The following GRIK3 variants were observed in gnomAD, a reference collection of about 807,000 sequenced individuals.
GRIK3 encodes the protein glutamate ionotropic receptor kainate type subunit 3.
GRIK3 carries 29 observed loss-of-function variants against 102.5 expected under a neutral mutation model. The ratio of observed to expected loss-of-function variants is 0.28; its 90% CI spans 0.21 to 0.39. The LOEUF is 0.39. Among genes scored for constraint, GRIK3 ranks in the 10% least tolerant of loss-of-function variants. The pLI is 1.00. For synonymous variants in GRIK3, 511 were observed against 504.9 expected (o/e 1.01, Z -0.16); for missense variants, 908 against 1,252.4 (o/e 0.73, Z 4.15).
Position 36,801,842 on chromosome 1 carries a change from C to G in GRIK3, c.*9G>C, listed in dbSNP as rs764983669. 5 of 1,589,622 alleles carry G rather than the reference C, an allele frequency of 3.1e-6. No individual in the cohort carries two copies. The highest frequency in any genetic ancestry group is 1.7e-4 in the Middle Eastern group (1 of 5,934). ...GCCCCCAGGCCTGAGGTCCCCACCCCAGCTGTGCCTAGGGGAACACAGGGG... is the reference window on the plus strand; with the variant it reads ...GCCCCCAGGCCTGAGGTCCCCACCCGAGCTGTGCCTAGGGGAACACAGGGG... On this transcript the variant is annotated 3_prime_UTR_variant, in exon 16 of 16. Coordinates refer to ENST00000373091, the MANE Select transcript of GRIK3 (RefSeq NM_000831.4).
In GRIK3 at chr1:37,028,464, C is replaced by T. The variant is rs543852438; in HGVS notation, c.115+5530G>A. Among the ~76,000 whole-genome samples, 11 of 152,250 alleles carry T rather than the reference C, an allele frequency of 7.2e-5. No individual in the cohort carries two copies. In the South Asian group the frequency reaches 2.3e-3, roughly 32 times the overall value. ...GTATTGGTAGGAAGGCTGGGAAAGA[C>T]CATCCACACCTGGGCCCTGGAGGAG... On this transcript the variant is annotated intron_variant, in intron 1 of 15. Coordinates refer to ENST00000373091, the MANE Select transcript of GRIK3 (RefSeq NM_000831.4).
chr1:36,975,308 T>TTTTTTTTTTG (rs1642184477), intron 1 of GRIK3, among the ~76,000 whole-genome samples: 1 of 149,230 alleles, frequency 6.7e-6, no homozygotes, highest in Admixed American at 6.6e-5. Context: ...TTTTTTTTTT[T>TTTTTTTTTTG]GAGAGGGAGT....
intron 1 of GRIK3, among the ~76,000 whole-genome samples, chr1:36,998,534 C>A (rs1475405397): frequency 6.6e-6 from 1 of 152,212 alleles, no homozygotes; most frequent in Non-Finnish European, 1.5e-5. Flanking sequence ...GGGTTATTGA[C>A]ACGCATATGA....
intron 1 of GRIK3, among the ~76,000 whole-genome samples, chr1:36,970,331 C>T (rs1403078875): frequency 6.6e-6 from 1 of 152,198 alleles, no homozygotes; most frequent in African/African-American, 2.4e-5. Context: ...TATCAGGCCT[C>T]ATTGCCCTCA....
At chr1:36,919,718 C>T (rs1641445565) in intron 1 of GRIK3, among the ~76,000 whole-genome samples, 1 of 152,232 alleles carries the variant, frequency 6.6e-6, no homozygotes, top group Admixed American at 6.5e-5. Flanking sequence ...TCAGTGGACA[C>T]ATGGTGATGG....
chr1:36,808,292 T>A (rs376098693), intron 13 of GRIK3, among the ~76,000 whole-genome samples: 1 of 152,258 alleles, frequency 6.6e-6, no homozygotes, highest in Non-Finnish European at 1.5e-5. Context: ...AGCTTCTAGA[T>A]GGCTCCTACA....
chr1:36,865,417 C>T lies in GRIK3; in HGVS notation c.786+4331G>A, dbSNP rs1490673691. ...GAGATAAATGCCAGATGCCACTGTC[C>T]TCCCAAATAAGCCACAACTGACCAA... On this transcript the variant is annotated intron_variant, in intron 5 of 15. Transcript: ENST00000373091. Among the ~76,000 whole-genome samples the T allele has an allele frequency of 3.3e-5, 5 of 152,314 alleles. 1 individual carries two copies. The highest frequency in any genetic ancestry group is 2.6e-4 in the Admixed American group (4 of 15,302).
intron 1 of GRIK3, among the ~76,000 whole-genome samples, chr1:37,019,607 C>T (rs1391318470): frequency 6.6e-6 from 1 of 152,142 alleles, no homozygotes; most frequent in Non-Finnish European, 1.5e-5. Flanking sequence ...TCATTGCCCC[C>T]GCATCCTGGA....
Position 37,034,208 on chromosome 1 carries a change from G to A in GRIK3, c.-100C>T, listed in dbSNP as rs1333405639. 1 of 254,246 alleles carries A rather than the reference G, an allele frequency of 3.9e-6. No individual in the cohort carries two copies. Among genetic ancestry groups the A allele is most frequent in the Admixed American group, 5.9e-5 (1 of 16,994 alleles). 15.7% of individuals were successfully genotyped at this position (254,246 alleles called of 1,614,324 possible). On this transcript the variant is annotated 5_prime_UTR_variant, in exon 1 of 16. An upstream open reading frame in the 5' UTR gains an earlier in-frame stop. Coordinates refer to ENST00000373091, the MANE Select transcript of GRIK3 (RefSeq NM_000831.4). Reference sequence around the variant, plus strand: ...CGCAGCAGCCCCGAAGGCGCCGCCTGGCCCAGCCGCCCGGCTCCCGAGCGC... The same window carrying A: ...CGCAGCAGCCCCGAAGGCGCCGCCTAGCCCAGCCGCCCGGCTCCCGAGCGC...
intron 13 of GRIK3, among the ~76,000 whole-genome samples, chr1:36,815,840 A>C (rs1216407188): frequency 1.3e-5 from 2 of 151,692 alleles, no homozygotes; most frequent in African/African-American, 4.8e-5. Flanking sequence ...GCTCACTGCA[A>C]CCTCTGCCTC....
At chr1:36,947,330 C>T (rs1477559502) in intron 1 of GRIK3, among the ~76,000 whole-genome samples, 1 of 152,120 alleles carries the variant, frequency 6.6e-6, no homozygotes, top group Non-Finnish European at 1.5e-5. Flanking sequence ...TGCACCCAGG[C>T]CTGGCATCTC....
At chr1:36,999,006 G>A (rs1050547619) in intron 1 of GRIK3, among the ~76,000 whole-genome samples, 1 of 61,142 alleles carries the variant, frequency 1.6e-5, no homozygotes, top group Non-Finnish European at 3.6e-5. Context: ...GTGTGTGTGT[G>A]TATGTGTGTG....
In GRIK3 at chr1:36,801,999, G is replaced by A. The variant is rs767402521; in HGVS notation, c.2612C>T (p.Thr871Ile). The A allele has an allele frequency of 1.9e-6, 3 of 1,613,944 alleles. No homozygotes were observed. In the South Asian group the frequency reaches 3.3e-5, roughly 18 times the overall value. ...TVADEIRFSL[T>I]CQRRVKHKPQ... ...CTTGTGCTTGACTCGACGCTGGCAG[G>A]TAAGGGAGAAACGGATCTCATCGGC... Residue 871 changes from threonine to isoleucine, a missense_variant, in exon 16 of 16, where the codon ACC (threonine) becomes ATC (isoleucine). This residue lies in a region of GRIK3 where 297 missense variants were observed against 362.7 expected (regional missense o/e 0.82). Coordinates refer to ENST00000373091, the MANE Select transcript of GRIK3 (RefSeq NM_000831.4).
At chr1:36,822,962 G>A (rs1303561463) in intron 11 of GRIK3, among the ~76,000 whole-genome samples, 1 of 152,168 alleles carries the variant, frequency 6.6e-6, no homozygotes, top group African/African-American at 2.4e-5. Flanking sequence ...GGGCCAAACA[G>A]GTCAGGCCAG....
At chr1:36,938,488 G>T (rs901276933) in intron 1 of GRIK3, among the ~76,000 whole-genome samples, 1 of 152,194 alleles carries the variant, frequency 6.6e-6, no homozygotes, top group African/African-American at 2.4e-5. Flanking sequence ...CCGTGATGTT[G>T]CATCTCTGTT....
intron 1 of GRIK3, among the ~76,000 whole-genome samples, chr1:36,920,467 T>C (rs1641455005): frequency 6.6e-6 from 1 of 152,076 alleles, no homozygotes; most frequent in African/African-American, 2.4e-5. Context: ...GAATTTACCA[T>C]CCCGGGACCC....
chr1:36,978,944 T>C (rs1396760133), intron 1 of GRIK3, among the ~76,000 whole-genome samples: 4 of 152,202 alleles, frequency 2.6e-5, no homozygotes, highest in South Asian at 4.1e-4. Context: ...CATTGATACA[T>C]GGAGGAATGA....
intron 1 of GRIK3, among the ~76,000 whole-genome samples, chr1:36,908,776 A>G (rs1191779152): frequency 7.8e-6 from 1 of 128,244 alleles, no homozygotes; most frequent in Non-Finnish European, 1.7e-5. Context: ...GAAATGGGAT[A>G]GGGTGTGTGT....
chr1:36,917,263 G>A (rs1225601188), intron 1 of GRIK3, among the ~76,000 whole-genome samples: 1 of 152,244 alleles, frequency 6.6e-6, no homozygotes, highest in African/African-American at 2.4e-5. Flanking sequence ...TATCGAGGAA[G>A]TAACTAACTT....
Sources: gnomAD v4.1 joint callset for allele counts (sites outside exome capture counted in the v4.1 genomes callset) on GRCh38, gnomAD v4.1.1 for gene constraint, gnomAD v4.1.1 regional missense constraint, MANE v1.5 for transcripts, NCBI Gene and HGNC (gene_info 2026-07-23, HGNC 2026-07-21) for gene names.